FER1L5: variants seen among roughly 807,000 people sequenced by gnomAD.
FER1L5 encodes the protein fer-1 like family member 5, also known as fer-1-like protein 5.
FER1L5 carries 187 observed loss-of-function variants against 279.9 expected under a neutral mutation model. That is an observed-to-expected ratio of 0.67 (90% confidence interval 0.59 to 0.75). FER1L5 has a LOEUF of 0.75. Among genes scored for constraint, FER1L5 ranks in the 30% least tolerant of loss-of-function variants. FER1L5 has a pLI of 0.00. For missense variants in FER1L5, 2,091 were observed against 2,594.4 expected (o/e 0.81, Z 4.21); for synonymous variants, 921 against 989.7 (o/e 0.93, Z 1.30).
At chr2:96,651,220 A>ACTTTCTTTCTTTCTTTCT (rs1322068432) in intron 6 of FER1L5, among the ~76,000 whole-genome samples, 7 of 147,516 alleles carry the variant, frequency 4.7e-5, no homozygotes, top group African/African-American at 1.8e-4. Context: ...TAGGGCTACA[A>ACTTTCTTTCTTTCTTTCT]CTTTCTTTCT....
chr2:96,653,374 A>G (rs1045534923), intron 7 of FER1L5: 1 of 459,922 alleles, frequency 2.2e-6, no homozygotes, highest in South Asian at 2.5e-5. Flanking sequence ...CCAGTTCAGC[A>G]TTCGTAATAA....
intron 9 of FER1L5, among the ~76,000 whole-genome samples, chr2:96,659,544 A>G (rs995353938): frequency 3.7e-5 from 5 of 136,622 alleles, no homozygotes; most frequent in Non-Finnish European, 6.2e-5. Context: ...CAGGCTGGAG[A>G]GCAGTGGCGC....
At chr2:96,670,973 G>A (rs1220790061) in intron 18 of FER1L5, among the ~76,000 whole-genome samples, 1 of 151,318 alleles carries the variant, frequency 6.6e-6, no homozygotes, top group Admixed American at 6.6e-5. Flanking sequence ...CAGGCATGGT[G>A]GCTTGCGCCT....
rs759091775 is a variant in FER1L5 at position 96,702,011 on chromosome 2, C to A, written c.5127C>A (p.Pro1709=). ...IFPKKLGPPG[P]QVNINPRKPK... ...CCAAGAAGCTGGGGCCTCCTGGCCC[C>A]CAAGTCAACATCAACCCCAGAAAGC... The change falls in exon 46 of 53, where the codon CCC becomes CCA. Residue 1709 remains proline, a synonymous_variant. Transcript: ENST00000624922. The surrounding 1 kb of genome is among the most constrained non-coding windows in gnomAD (Gnocchi z 4.0). 5.0e-6 allele frequency: 8 copies of A among 1,614,004 alleles called. No individual in the cohort carries two copies. The highest frequency in any genetic ancestry group is 6.8e-6 in the Non-Finnish European group (8 of 1,179,894).
chr2:96,682,812 C>T (rs1207494569), intron 19 of FER1L5, among the ~76,000 whole-genome samples: 2 of 152,212 alleles, frequency 1.3e-5, no homozygotes, highest in Non-Finnish European at 2.9e-5. Flanking sequence ...CTCAAGCCCA[C>T]CCCAGCCTCC....
chr2:96,698,050 A>G lies in FER1L5; in HGVS notation c.4250A>G (p.Glu1417Gly). 1 of 1,575,846 alleles carries G rather than the reference A, an allele frequency of 6.3e-7. No individual in the cohort carries two copies. The highest frequency in any genetic ancestry group is 8.6e-7 in the Non-Finnish European group (1 of 1,160,846). Residue 1417 changes from glutamate to glycine, a missense_variant, in exon 40 of 53, where the codon GAG (glutamate) becomes GGG (glycine). Physicochemically the swap from Glu to Gly is moderately conservative, Grantham distance 98. Transcript: ENST00000624922. The surrounding 1 kb of genome is among the most constrained non-coding windows in gnomAD (Gnocchi z 5.5). ...DYHTLKVYEC[E>G]LEAVPAFQGL... ...ACACCTCTGCAGGTGTATGAGTGTGAGCTGGAGGCCGTGCCAGCCTTCCAG... is the reference window on the plus strand; with the variant it reads ...ACACCTCTGCAGGTGTATGAGTGTGGGCTGGAGGCCGTGCCAGCCTTCCAG...
At chr2:96,661,623 G>A in intron 11 of FER1L5, 45 bp from the exon 12 acceptor site, 2 of 1,550,222 alleles carry the variant, frequency 1.3e-6, no homozygotes, top group South Asian at 2.4e-5. Flanking sequence ...CCTTGCCTGT[G>A]ACCTCCCCAT....
intron 6 of FER1L5, 61 bp downstream of exon 6, chr2:96,650,350 C>A: frequency 7.3e-7 from 1 of 1,369,960 alleles, no homozygotes; most frequent in Non-Finnish European, 1.0e-6. Flanking sequence ...TTGCTGTGTT[C>A]CCAGGCCACC....
At chr2:96,658,695 T>C (rs1030097894) in intron 9 of FER1L5, among the ~76,000 whole-genome samples, 4 of 152,028 alleles carry the variant, frequency 2.6e-5, no homozygotes, top group African/African-American at 9.7e-5. Flanking sequence ...CTAGTCCATC[T>C]TTTTTATTTT....
At position 96,703,217 on chromosome 2, in the gene FER1L5, C is replaced by T; in HGVS notation, c.5562C>T (p.Ile1854=). The change falls in exon 50 of 53, where the codon ATC becomes ATT. Residue 1854 remains isoleucine (I), a synonymous_variant. Transcript: ENST00000624922. ...CTCGGCACGCCAAGCAGTGCTCCATCAGGATGATGGACGCCGACCCCAAGT... is the reference window on the plus strand; with the variant it reads ...CTCGGCACGCCAAGCAGTGCTCCATTAGGATGATGGACGCCGACCCCAAGT... ...LPARHAKQCS[I]RMMDADPKWP... The T allele has an allele frequency of 6.2e-7, 1 of 1,613,926 alleles. No individual in the cohort carries two copies. Among genetic ancestry groups the T allele is most frequent in the Non-Finnish European group, 8.5e-7 (1 of 1,179,854 alleles).
intron 17 of FER1L5, 31 bp downstream of exon 17, chr2:96,669,168 G>T: frequency 6.5e-7 from 1 of 1,540,986 alleles, no homozygotes; most frequent in Non-Finnish European, 8.8e-7. Flanking sequence ...CTAGGGTACA[G>T]TGGAGGTAGA....
At chr2:96,667,745 G>T (rs995837548) in intron 14 of FER1L5, among the ~76,000 whole-genome samples, 1 of 152,234 alleles carries the variant, frequency 6.6e-6, no homozygotes, top group African/African-American at 2.4e-5. Context: ...TCCATGAGAT[G>T]GTTTGGTGAA....
At position 96,647,251 on chromosome 2, in the gene FER1L5, G is replaced by A. The variant is rs994230390; in HGVS notation, c.230+96G>A. 7 of 1,326,496 alleles carry A rather than the reference G, an allele frequency of 5.3e-6. No homozygotes were observed. The African/African-American group carries it at 1.0e-4, about 20-fold the overall frequency. 82.2% of individuals were successfully genotyped at this position (1,326,496 alleles called of 1,614,324 possible). Reference sequence around the variant, plus strand: ...CTAATCCATAACTCACTCAGATGAAGGAATGGAACCCACTCCAGCCAGCTA... The same window carrying A: ...CTAATCCATAACTCACTCAGATGAAAGAATGGAACCCACTCCAGCCAGCTA... On this transcript the variant is annotated intron_variant, in intron 3 of 52. Transcript: ENST00000624922.
At chr2:96,668,666 C>T (rs777458743) in intron 14 of FER1L5, 85 bp from the exon 15 acceptor site, 329 of 1,486,650 alleles carry the variant, frequency 2.2e-4, no homozygotes, top group Non-Finnish European at 2.9e-4. Flanking sequence ...CCCAGACCCG[C>T]GACTCCCTAC....
At chr2:96,668,727 G>T (rs1050074202) in intron 14 of FER1L5, 24 bp from the exon 15 acceptor site, 1 of 1,551,192 alleles carries the variant, frequency 6.4e-7, no homozygotes, top group Non-Finnish European at 8.7e-7. Flanking sequence ...TGTACCCACC[G>T]CACCTCTCTC....
intron 17 of FER1L5, among the ~76,000 whole-genome samples, chr2:96,669,515 C>T (rs1201966283): frequency 6.6e-6 from 1 of 152,210 alleles, no homozygotes; most frequent in Non-Finnish European, 1.5e-5. Flanking sequence ...CAGGGAAAAA[C>T]AAGAGCCCTG....
chr2:96,689,818 C>A lies in FER1L5; in HGVS notation c.2640+60C>A, dbSNP rs879016373. On this transcript the variant is annotated intron_variant, in intron 26 of 52. Transcript: ENST00000624922. This position sits in a 1 kb window ranked among gnomAD's most constrained non-coding sequence, Gnocchi z 4.6. ...CAAGCAAGGCCACCAGGCGGGGCGC[C>A]TTGGAAGCTGGGGGTCCCAGTGGAA... The A allele has an allele frequency of 1.4e-6, 2 of 1,413,144 alleles. No homozygotes were observed. The highest frequency in any genetic ancestry group is 2.8e-5 in the South Asian group (2 of 71,366). 87.5% of individuals were successfully genotyped at this position (1,413,144 alleles called of 1,614,324 possible).
At chr2:96,676,903 C>A (rs2076530055) in intron 19 of FER1L5, among the ~76,000 whole-genome samples, 1 of 152,020 alleles carries the variant, frequency 6.6e-6, no homozygotes, top group Non-Finnish European at 1.5e-5. Flanking sequence ...GTCGCCCAGG[C>A]CGGAGTGCGG....
In FER1L5 at chr2:96,698,541, T is replaced by C. The variant is rs2077467662; in HGVS notation, c.4357-130T>C. ...TCTGTACCTGCCTCCACTGTCCTCA[T>C]GGCCTTCTATCCCTGCCACCCTCAG... On this transcript the variant is annotated intron_variant, in intron 40 of 52. Transcript: ENST00000624922. This position sits in a 1 kb window ranked among gnomAD's most constrained non-coding sequence, Gnocchi z 5.5. 1.3e-6 allele frequency: 1 copy of C among 767,634 alleles called. No individual in the cohort carries two copies. The highest frequency in any genetic ancestry group is 2.1e-6 in the Non-Finnish European group (1 of 476,878). The allele number at this position is 767,634 out of a possible 1,614,324, so 47.6% of individuals were successfully genotyped here. A position where few individuals can be genotyped will look rare whatever the true frequency, so the allele number is the denominator to read the frequency against.
Sources: allele counts gnomAD v4.1 joint callset (sites outside exome capture counted in the v4.1 genomes callset), GRCh38; gene constraint gnomAD v4.1.1; non-coding constraint Gnocchi (gnomAD v3.1); transcripts MANE v1.5; gene names NCBI Gene and HGNC (gene_info 2026-07-23, HGNC 2026-07-21).